The following XPNPEP3 variants were observed in gnomAD, a reference collection of about 807,000 sequenced individuals.
XPNPEP3 encodes xaa-Pro aminopeptidase 3.
A neutral mutation model predicts 60.0 loss-of-function variants in XPNPEP3; 41 were observed. That is an observed-to-expected ratio of 0.68 (90% CI 0.53 to 0.89). The LOEUF (loss-of-function observed/expected upper bound fraction) is 0.89. XPNPEP3 is among the 40% of genes least tolerant of loss of function. The pLI, the probability that XPNPEP3 is intolerant of heterozygous loss-of-function variation, is 0.00. For synonymous variants in XPNPEP3, 212 were observed against 223.2 expected (o/e 0.95, Z 0.45); for missense variants, 598 against 638.9 (o/e 0.94, Z 0.69).
intron 4 of XPNPEP3, among the ~76,000 whole-genome samples, chr22:40,890,838 A>G (rs1376274612): frequency 1.3e-5 from 2 of 152,116 alleles, no homozygotes; most frequent in African/African-American, 4.8e-5. Flanking sequence ...ACTGCACTCC[A>G]GTCTGGGTGA....
intron 1 of XPNPEP3, among the ~76,000 whole-genome samples, chr22:40,864,033 A>G (rs1282084958): frequency 6.6e-6 from 1 of 152,246 alleles, no homozygotes; most frequent in African/African-American, 2.4e-5. Flanking sequence ...AAAGAATTTC[A>G]GTGGAATCCA....
chr22:40,869,068 A>T lies in XPNPEP3; in HGVS notation c.134A>T (p.Tyr45Phe), dbSNP rs766682544. The T allele has an allele frequency of 5.6e-6, 9 of 1,614,058 alleles. No individual in the cohort carries two copies. The Admixed American group carries it at 1.5e-4, about 27-fold the overall frequency. The change falls in exon 2 of 10, where the codon TAC (tyrosine) becomes TTC (phenylalanine). Residue 45 changes from tyrosine (Y) to phenylalanine (F), a missense_variant. By Grantham distance (22) the Tyr-to-Phe change is conservative. Transcript: ENST00000357137. ...PVPERRIPNR[Y>F]LGQPSPFTHP... ...CCAGAAAGGAGGATTCCAAACCGAT[A>T]CTTAGGCCAGCCCAGCCCCTTTACA...
At chr22:40,885,797 T>C (rs1312738984) in intron 3 of XPNPEP3, among the ~76,000 whole-genome samples, 1 of 151,990 alleles carries the variant, frequency 6.6e-6, no homozygotes, top group Admixed American at 6.6e-5. Context: ...GCCTGACCAA[T>C]ATGGTGAAAC....
intron 1 of XPNPEP3, among the ~76,000 whole-genome samples, chr22:40,858,356 C>T (rs1355665623): frequency 1.3e-5 from 2 of 152,052 alleles, no homozygotes; most frequent in Non-Finnish European, 2.9e-5. Flanking sequence ...ATCCACCCTC[C>T]TCTCTGAGCC....
chr22:40,923,819 T>C (rs2058225083), intron 8 of XPNPEP3, among the ~76,000 whole-genome samples: 1 of 151,878 alleles, frequency 6.6e-6, no homozygotes, highest in Non-Finnish European at 1.5e-5. Flanking sequence ...ACCACTGCAC[T>C]CCAGCCTGGG....
At chr22:40,859,831 G>A (rs973475683) in intron 1 of XPNPEP3, 1 of 152,128 alleles carries the variant, frequency 6.6e-6, no homozygotes, top group Admixed American at 6.6e-5. Flanking sequence ...TGATGTATTT[G>A]TAACCCATCT....
In XPNPEP3 at chr22:40,886,427, G is replaced by C. The variant is rs766397782; in HGVS notation, c.704G>C (p.Gly235Ala). The change falls in exon 4 of 10, where the codon GGT becomes GCT. Residue 235 changes from glycine to alanine, a missense_variant. Physicochemically the swap from Gly to Ala is moderately conservative, Grantham distance 60. Coordinates refer to ENST00000357137, the MANE Select transcript of XPNPEP3 (RefSeq NM_022098.4). ...AKAKSKNKVR[G>A]VQQLIQRLRL... ...GCCAAGAGCAAGAACAAGGTTCGGG[G>C]TGTTCAGCAGCTGATACAGCGCCTC... 6.2e-7 allele frequency: 1 copy of C among 1,614,196 alleles called. No individual in the cohort carries two copies. The highest frequency in any genetic ancestry group is 1.3e-5 in the African/African-American group (1 of 75,052).
chr22:40,925,989 G>A lies in XPNPEP3; in HGVS notation c.1358-280G>A, dbSNP rs753420875. Among the ~76,000 whole-genome samples the A allele has an allele frequency of 7.2e-4, 110 of 152,196 alleles. 1 individual carries two copies. The highest frequency in any genetic ancestry group is 6.8e-3 in the Middle Eastern group (2 of 294). ...CTGCTTGAGCCACTAGAATATGACAGAATCATGATCAGCATTGCCGTAGTT... is the reference window on the plus strand; with the variant it reads ...CTGCTTGAGCCACTAGAATATGACAAAATCATGATCAGCATTGCCGTAGTT... On this transcript the variant is annotated intron_variant, in intron 9 of 9. Coordinates refer to ENST00000357137, the MANE Select transcript of XPNPEP3 (RefSeq NM_022098.4).
intron 5 of XPNPEP3, 76 bp downstream of exon 5, chr22:40,907,725 A>G: frequency 7.0e-7 from 1 of 1,433,710 alleles, no homozygotes; most frequent in African/African-American, 1.4e-5. Context: ...ATGGCAGTGC[A>G]GTCTGCTTTT....
chr22:40,895,611 AG>A (rs1490144378), intron 4 of XPNPEP3, among the ~76,000 whole-genome samples: 13 of 152,142 alleles, frequency 8.5e-5, no homozygotes, highest in Non-Finnish European at 1.8e-4. Context: ...CTGGGATTAC[AG>A]GCATGAGCCA....
intron 3 of XPNPEP3, among the ~76,000 whole-genome samples, chr22:40,884,157 A>G (rs193090670): frequency 6.6e-6 from 1 of 152,254 alleles, no homozygotes; most frequent in East Asian, 1.9e-4. Context: ...CAATTCATTG[A>G]ACTTTCTTAT....
In XPNPEP3 at chr22:40,882,176, A is replaced by G; in HGVS notation, c.588A>G (p.Lys196=). The change falls in exon 3 of 10, where the codon AAA becomes AAG. Residue 196 remains lysine, a splice_region_variant and synonymous_variant. Transcript: ENST00000357137. ...EEFQHLLPKM[K]AETNMVWYDW... ...TTCAACATCTTCTACCAAAAATGAAAGGTAACAAATGGGAGCAGAAGTCAC... is the reference window on the plus strand; with the variant it reads ...TTCAACATCTTCTACCAAAAATGAAGGGTAACAAATGGGAGCAGAAGTCAC... 3 of 1,614,164 alleles carry G rather than the reference A, an allele frequency of 1.9e-6. No individual in the cohort carries two copies. In the South Asian group the frequency reaches 3.3e-5, roughly 18 times the overall value.
chr22:40,907,122 T>C (rs1000510520), intron 4 of XPNPEP3: 2 of 456,148 alleles, frequency 4.4e-6, no homozygotes, highest in Non-Finnish European at 8.8e-6. Flanking sequence ...TGTTTTCCTT[T>C]CAGAAATCCG....
chr22:40,901,612 G>A (rs375278121), intron 4 of XPNPEP3, among the ~76,000 whole-genome samples: 5 of 152,130 alleles, frequency 3.3e-5, no homozygotes, highest in South Asian at 2.1e-4. Flanking sequence ...CTTGAGAGGC[G>A]GAGCTACTTG....
At chr22:40,880,302 A>G (rs1270457971) in intron 2 of XPNPEP3, among the ~76,000 whole-genome samples, 1 of 152,010 alleles carries the variant, frequency 6.6e-6, no homozygotes, top group African/African-American at 2.4e-5. Flanking sequence ...TCATGGAGGC[A>G]TCAAGCAGAA....
At chr22:40,898,520 T>C (rs1331753553) in intron 4 of XPNPEP3, among the ~76,000 whole-genome samples, 2 of 151,596 alleles carry the variant, frequency 1.3e-5, no homozygotes, top group Middle Eastern at 3.4e-3. Context: ...CCCAAAGTGC[T>C]GGGATTACAG....
chr22:40,916,789 T>C (rs1274251992), intron 7 of XPNPEP3, among the ~76,000 whole-genome samples: 1 of 152,128 alleles, frequency 6.6e-6, no homozygotes, highest in African/African-American at 2.4e-5. Context: ...GATAAAAATA[T>C]CTTTAAAACA....
At chr22:40,881,082 G>T (rs2058046090) in intron 2 of XPNPEP3, among the ~76,000 whole-genome samples, 1 of 151,968 alleles carries the variant, frequency 6.6e-6, no homozygotes, top group South Asian at 2.1e-4. Context: ...GTCTTGCTTT[G>T]TCGCGTAGAC....
intron 1 of XPNPEP3, among the ~76,000 whole-genome samples, chr22:40,866,388 G>A (rs1272899932): frequency 1.3e-5 from 2 of 151,924 alleles, no homozygotes; most frequent in African/African-American, 2.4e-5. Context: ...AGAGGCAGTA[G>A]GTGTGAGAAG....
Sources: gnomAD v4.1 joint callset for allele counts (sites outside exome capture counted in the v4.1 genomes callset) on GRCh38, gnomAD v4.1.1 for gene constraint, MANE v1.5 for transcripts, NCBI Gene and HGNC (gene_info 2026-07-23, HGNC 2026-07-21) for gene names.